Variants in MYOCD observed in about 807,000 individuals in gnomAD.
MYOCD encodes the protein myocardin.
In MYOCD, 32 loss-of-function variants were observed where a neutral mutation model predicts 96.1. That is an observed-to-expected ratio of 0.33 (90% CI 0.25 to 0.45). MYOCD has a LOEUF of 0.45. Ranked by LOEUF, MYOCD falls within the 20% of genes least tolerant of loss-of-function variation. MYOCD has a pLI of 1.00. For synonymous variants in MYOCD, 469 were observed against 469.0 expected (o/e 1.00, Z 0.00); for missense variants, 1,133 against 1,200.6 (o/e 0.94, Z 0.83).
chr17:12,751,921 C>T (rs1172628554), intron 9 of MYOCD, among the ~76,000 whole-genome samples: 1 of 152,208 alleles, frequency 6.6e-6, no homozygotes, highest in East Asian at 1.9e-4. Flanking sequence ...CAGTGGGGCC[C>T]TGCAGTCTGC....
Position 12,745,938 on chromosome 17 carries a change from G to C in MYOCD, c.991G>C (p.Val331Leu), listed in dbSNP as rs376772447. The change falls in exon 9 of 14, where the codon GTC becomes CTC. Residue 331 changes from valine (V) to leucine (L), a missense_variant. Transcript: ENST00000425538. ...AQLKEPNEQMVRNPNSSSTPL... is the reference protein window; with the variant it reads ...AQLKEPNEQMLRNPNSSSTPL... The stretch of plus-strand genomic sequence containing the variant: ...TTTTAGGGAACCAAATGAACAGATG[G>C]TCAGAAATCCAAACTCTTCTTCAAC... The C allele has an allele frequency of 5.6e-6, 9 of 1,613,924 alleles. No homozygotes were observed. Among genetic ancestry groups the C allele is most frequent in the Middle Eastern group, 1.6e-4 (1 of 6,084 alleles).
At chr17:12,693,958 T>C (rs568087254) in intron 1 of MYOCD, among the ~76,000 whole-genome samples, 1 of 152,206 alleles carries the variant, frequency 6.6e-6, no homozygotes, top group South Asian at 2.1e-4. Context: ...CTGCTGTTGA[T>C]AAAAACATTG....
At chr17:12,715,665 C>T (rs2031618120) in intron 3 of MYOCD, 91 bp downstream of exon 3, 1 of 974,280 alleles carries the variant, frequency 1.0e-6, no homozygotes, top group Non-Finnish European at 1.6e-6. Context: ...AGAATTCCTA[C>T]AACAAACACA....
chr17:12,739,999 G>A (rs966072967), intron 7 of MYOCD, among the ~76,000 whole-genome samples: 8 of 151,888 alleles, frequency 5.3e-5, no homozygotes, highest in Admixed American at 2.0e-4. Context: ...ACAGTGGCGC[G>A]ATCTCAGCTC....
chr17:12,688,907 C>A (rs575665938), intron 1 of MYOCD, among the ~76,000 whole-genome samples: 1 of 152,158 alleles, frequency 6.6e-6, no homozygotes, highest in South Asian at 2.1e-4. Context: ...CCTAGTGTAC[C>A]CCCGGTTTAA....
At chr17:12,746,152 T>C (rs1030059626) in intron 9 of MYOCD, 80 bp downstream of exon 9, 2 of 1,438,916 alleles carry the variant, frequency 1.4e-6, no homozygotes, top group East Asian at 2.3e-5. Flanking sequence ...GACCAACTGA[T>C]ATCTGGAGTA....
At chr17:12,753,559 G>A (rs1027386203) in intron 10 of MYOCD, among the ~76,000 whole-genome samples, 4 of 152,212 alleles carry the variant, frequency 2.6e-5, no homozygotes, top group Non-Finnish European at 4.4e-5. Flanking sequence ...ACTCTGTAAA[G>A]GGCGAGATGG....
intron 13 of MYOCD, chr17:12,762,760 C>T (rs2033216318): frequency 3.8e-6 from 1 of 261,290 alleles, no homozygotes; most frequent in Non-Finnish European, 7.2e-6. Flanking sequence ...CCCTCATCTT[C>T]AGGCCCTCAC....
chr17:12,731,324 A>G (rs1001292462), intron 5 of MYOCD, among the ~76,000 whole-genome samples: 1 of 151,398 alleles, frequency 6.6e-6, no homozygotes, highest in Non-Finnish European at 1.5e-5. Context: ...TTCCACCCAC[A>G]CTCCTCCTAC....
intron 7 of MYOCD, among the ~76,000 whole-genome samples, chr17:12,741,958 A>AT (rs1230442176): frequency 6.6e-6 from 1 of 152,050 alleles, no homozygotes; most frequent in Non-Finnish European, 1.5e-5. Context: ...ACCCCAGACT[A>AT]TCCAGAGTAA....
rs1483948895 is a variant in MYOCD at position 12,746,046 on chromosome 17, C to T, written c.1099C>T (p.Leu367Phe). 1.2e-6 allele frequency: 2 copies of T among 1,614,100 alleles called. No individual in the cohort carries two copies. The change falls in exon 9 of 14, where the codon CTC (leucine) becomes TTC (phenylalanine). Residue 367 changes from leucine to phenylalanine, a missense_variant. Leu to Phe is a conservative substitution (Grantham distance 22, BLOSUM62 0). Coordinates refer to ENST00000425538, the MANE Select transcript of MYOCD (RefSeq NM_001146312.3). ...TGVSSFKPGP[L>F]PPNLDDLKVS... ...TGTCTCTTCTTTCAAACCAGGCCCACTCCCACCTAACCTGGATGATCTGAA... is the reference window on the plus strand; with the variant it reads ...TGTCTCTTCTTTCAAACCAGGCCCATTCCCACCTAACCTGGATGATCTGAA...
At chr17:12,680,348 G>A (rs1353557216) in intron 1 of MYOCD, among the ~76,000 whole-genome samples, 5 of 152,222 alleles carry the variant, frequency 3.3e-5, no homozygotes, top group South Asian at 4.1e-4. Context: ...GTATAATGAC[G>A]TCTGTCTTAC....
intron 12 of MYOCD, among the ~76,000 whole-genome samples, chr17:12,758,807 G>C (rs2033087805): frequency 6.6e-6 from 1 of 152,178 alleles, no homozygotes; most frequent in Admixed American, 6.5e-5. Flanking sequence ...CCAGCACTTT[G>C]GGAGGCCAAG....
At chr17:12,702,896 G>A (rs1299439899) in intron 1 of MYOCD, among the ~76,000 whole-genome samples, 1 of 151,784 alleles carries the variant, frequency 6.6e-6, no homozygotes, top group Non-Finnish European at 1.5e-5. Context: ...TCCTTATAAA[G>A]TTGTATATGT....
chr17:12,689,928 C>A (rs2150654008), intron 1 of MYOCD, among the ~76,000 whole-genome samples: 1 of 152,094 alleles, frequency 6.6e-6, no homozygotes, highest in South Asian at 2.1e-4. Flanking sequence ...AATGTAAAAA[C>A]CAAAACATAA....
chr17:12,744,543 C>T (rs1314486534), intron 8 of MYOCD, 107 bp downstream of exon 8: 13 of 1,386,618 alleles, frequency 9.4e-6, no homozygotes, highest in Admixed American at 7.6e-5. Flanking sequence ...TGTATTGCAC[C>T]ATTTCCTCAT....
At chr17:12,688,633 T>C (rs1314296376) in intron 1 of MYOCD, among the ~76,000 whole-genome samples, 1 of 150,532 alleles carries the variant, frequency 6.6e-6, no homozygotes, top group Non-Finnish European at 1.5e-5. Flanking sequence ...TCTTTCCGTC[T>C]TCTTCCTTCC....
chr17:12,757,695 T>G (rs2033051894), intron 11 of MYOCD, among the ~76,000 whole-genome samples: 1 of 152,136 alleles, frequency 6.6e-6, no homozygotes, highest in Non-Finnish European at 1.5e-5. Flanking sequence ...GGTTTCACCA[T>G]GTTGGCCAGG....
intron 1 of MYOCD, among the ~76,000 whole-genome samples, chr17:12,681,550 G>C (rs1910467700): frequency 6.6e-6 from 1 of 152,194 alleles, no homozygotes. Context: ...GTAATTCTGA[G>C]ACCGAGCCTT....
Sources: allele counts gnomAD v4.1 joint callset (sites outside exome capture counted in the v4.1 genomes callset), GRCh38; gene constraint gnomAD v4.1.1; transcripts MANE v1.5; gene names NCBI Gene and HGNC (gene_info 2026-07-23, HGNC 2026-07-21).